Variants in SSBP2 observed in about 807,000 individuals in gnomAD.
The protein encoded by SSBP2 is single stranded DNA binding protein 2.
Under a neutral mutation model 61.8 loss-of-function variants are expected in SSBP2, and 17 were observed. The observed-to-expected ratio is 0.28, with a 90% CI of 0.19 to 0.41. SSBP2 has a LOEUF of 0.41. Ranked by LOEUF, SSBP2 falls within the 10% of genes least tolerant of loss-of-function variation. The probability of loss-of-function intolerance (pLI) is 1.00; values close to 1 mark genes in which losing one functional copy is unlikely to be tolerated. For synonymous variants in SSBP2, 139 were observed against 141.3 expected, an observed-to-expected ratio of 0.98 and a Z score of 0.12; for missense variants, 310 against 458.7, an observed-to-expected ratio of 0.68 and a Z score of 2.96.
rs2154038069 is a variant in SSBP2 at position 81,483,774 on chromosome 5, C to T, written c.432+5476G>A. On this transcript the variant is annotated intron_variant, in intron 6 of 16. Transcript: ENST00000320672. ...TTTGACATATATATATACACACACA[C>T]ACACACACACATTTATACTTTTCTT... Among the ~76,000 whole-genome samples the T allele has an allele frequency of 1.3e-5, 2 of 152,142 alleles. 1 individual carries two copies. The highest frequency in any genetic ancestry group is 4.2e-4 in the South Asian group (2 of 4,818).
chr5:81,720,600 T>C (rs534702291), intron 1 of SSBP2, among the ~76,000 whole-genome samples: 2 of 152,334 alleles, frequency 1.3e-5, no homozygotes, highest in East Asian at 3.9e-4. Context: ...AAGACATCAC[T>C]AGTGTTTATC....
chr5:81,636,444 A>G (rs1175837939), intron 3 of SSBP2, 113 bp downstream of exon 3: 15 of 873,348 alleles, frequency 1.7e-5, no homozygotes, highest in Non-Finnish European at 2.5e-5. Context: ...TACCTTCCAG[A>G]AAATTTTAGA....
intron 4 of SSBP2, among the ~76,000 whole-genome samples, chr5:81,604,701 A>C (rs1561594676): frequency 6.6e-6 from 1 of 152,210 alleles, no homozygotes; most frequent in Non-Finnish European, 1.5e-5. Flanking sequence ...TAGCTTGCAC[A>C]GTCTTGCTTA....
chr5:81,500,307 G>C (rs1252327016), intron 5 of SSBP2, among the ~76,000 whole-genome samples: 3 of 151,940 alleles, frequency 2.0e-5, no homozygotes, highest in Non-Finnish European at 4.4e-5. Flanking sequence ...TCCGCCTCCC[G>C]GGTTCAAGCG....
At chr5:81,487,641 A>G (rs1297954359) in intron 6 of SSBP2, among the ~76,000 whole-genome samples, 1 of 151,960 alleles carries the variant, frequency 6.6e-6, no homozygotes, top group African/African-American at 2.4e-5. Context: ...TTCATTAACA[A>G]AGATTCTATA....
In SSBP2 at chr5:81,418,543, T is replaced by C. The variant is rs1761417812; in HGVS notation, c.*1961A>G. ...GTCATATGTTACTTAATGATAAGTA[T>C]ACATTCTGAGAAATGCATTGTCAGG... On this transcript the variant is annotated 3_prime_UTR_variant, in exon 17 of 17. Coordinates refer to ENST00000320672, the MANE Select transcript of SSBP2 (RefSeq NM_012446.5). The C allele has an allele frequency of 6.6e-6, 1 of 152,196 alleles. No homozygotes were observed. The highest frequency in any genetic ancestry group is 1.9e-4 in the East Asian group (1 of 5,198). The allele number at this position is 152,196 out of a possible 1,614,324, so 9.4% of individuals were successfully genotyped here.
chr5:81,713,014 C>A lies in SSBP2; in HGVS notation c.62+37967G>T, dbSNP rs1257642802. Among the ~76,000 whole-genome samples, 5 of 152,006 alleles carry A rather than the reference C, an allele frequency of 3.3e-5. No individual in the cohort carries two copies. In the East Asian group the frequency reaches 9.6e-4, roughly 29 times the overall value. Reference sequence around the variant, plus strand: ...AATTACTGGGATTACAGGGGTGAGCCACCACACCTGGCCTAAAGGGATGTT... The same window carrying A: ...AATTACTGGGATTACAGGGGTGAGCAACCACACCTGGCCTAAAGGGATGTT... On this transcript the variant is annotated intron_variant, in intron 1 of 16. Transcript: ENST00000320672.
At chr5:81,710,675 T>A in intron 1 of SSBP2, 1 of 452,592 alleles carries the variant, frequency 2.2e-6, no homozygotes. Context: ...AACAAAACAT[T>A]ACCTCCAATA....
intron 4 of SSBP2, among the ~76,000 whole-genome samples, chr5:81,560,143 T>C (rs1398748350): frequency 6.6e-6 from 1 of 152,184 alleles, no homozygotes; most frequent in African/African-American, 2.4e-5. Flanking sequence ...CACGATTAAT[T>C]GTATAACACT....
At chr5:81,594,805 A>T (rs1163214466) in intron 4 of SSBP2, among the ~76,000 whole-genome samples, 5 of 152,200 alleles carry the variant, frequency 3.3e-5, no homozygotes, top group African/African-American at 1.2e-4. Flanking sequence ...GAGAACAAAG[A>T]CACAACATAC....
In SSBP2 at chr5:81,513,594, C is replaced by T. The variant is rs1768784587; in HGVS notation, c.372+34G>A. On this transcript the variant is annotated intron_variant, in intron 5 of 16. Transcript: ENST00000320672. Reference sequence around the variant, plus strand: ...ATAAAATCAAACAGGAGTTCCTATGCTTTAACATTCCTAGTCAGAGTTTCT... The same window carrying T: ...ATAAAATCAAACAGGAGTTCCTATGTTTTAACATTCCTAGTCAGAGTTTCT... 3.1e-6 allele frequency: 4 copies of T among 1,310,864 alleles called. No individual in the cohort carries two copies. The South Asian group carries it at 3.6e-5, about 12-fold the overall frequency. The allele number at this position is 1,310,864 out of a possible 1,614,324, so 81.2% of individuals were successfully genotyped here.
chr5:81,479,128 T>C (rs976364463), intron 6 of SSBP2, among the ~76,000 whole-genome samples: 3 of 152,214 alleles, frequency 2.0e-5, no homozygotes, highest in African/African-American at 7.2e-5. Flanking sequence ...GATGACCAGA[T>C]AGTAGCTTTG....
intron 4 of SSBP2, among the ~76,000 whole-genome samples, chr5:81,587,760 C>CGT (rs1236187860): frequency 6.7e-5 from 9 of 135,336 alleles, no homozygotes; most frequent in South Asian, 4.8e-4. Context: ...CACACACGCG[C>CGT]GCGCACACAC....
chr5:81,622,106 T>C (rs922878514), intron 3 of SSBP2, among the ~76,000 whole-genome samples: 1 of 109,722 alleles, frequency 9.1e-6, no homozygotes, highest in Non-Finnish European at 1.9e-5. Context: ...TAGAGTATAA[T>C]AAAAAAAAAA....
At chr5:81,725,145 C>T (rs1358540864) in intron 1 of SSBP2, among the ~76,000 whole-genome samples, 1 of 152,010 alleles carries the variant, frequency 6.6e-6, no homozygotes, top group Non-Finnish European at 1.5e-5. Flanking sequence ...GGGGACATGA[C>T]ATTTAAGAAG....
At chr5:81,735,730 G>A (rs537035439) in intron 1 of SSBP2, among the ~76,000 whole-genome samples, 1 of 152,160 alleles carries the variant, frequency 6.6e-6, no homozygotes, top group South Asian at 2.1e-4. Flanking sequence ...AAGAATTCAT[G>A]CTTTACAAAT....
intron 8 of SSBP2, among the ~76,000 whole-genome samples, chr5:81,473,153 A>C (rs961476750): frequency 6.6e-6 from 1 of 152,222 alleles, no homozygotes; most frequent in Non-Finnish European, 1.5e-5. Context: ...TAGCCAGCAA[A>C]TAACATAGTT....
chr5:81,445,135 ATTTT>A (rs1561407188), intron 12 of SSBP2, among the ~76,000 whole-genome samples: 9 of 43,806 alleles, frequency 2.1e-4, no homozygotes, highest in African/African-American at 5.2e-4. Context: ...GAAAAAAAAA[ATTTT>A]ATATATATAT....
At chr5:81,700,263 C>T (rs1753890246) in intron 1 of SSBP2, among the ~76,000 whole-genome samples, 1 of 152,128 alleles carries the variant, frequency 6.6e-6, no homozygotes, top group Non-Finnish European at 1.5e-5. Flanking sequence ...TGCACATCTC[C>T]AGAACTCTTA....
Sources: allele counts gnomAD v4.1 joint callset (sites outside exome capture counted in the v4.1 genomes callset), GRCh38; gene constraint gnomAD v4.1.1; transcripts MANE v1.5; gene names NCBI Gene and HGNC (gene_info 2026-07-23, HGNC 2026-07-21).